Variants in AGTPBP1 observed in about 807,000 individuals in gnomAD.
The protein encoded by AGTPBP1 is ATP/GTP binding carboxypeptidase 1, also known as cytosolic carboxypeptidase 1.
AGTPBP1 carries 70 observed loss-of-function variants against 143.9 expected under a neutral mutation model. That is an observed-to-expected ratio of 0.49 (90% CI 0.40 to 0.59). The LOEUF is 0.59. AGTPBP1 is among the 20% of genes least tolerant of loss of function. The pLI is 0.00. For synonymous variants in AGTPBP1, 463 were observed against 500.2 expected (o/e 0.93, Z 0.99); for missense variants, 1,229 against 1,464.5 (o/e 0.84, Z 2.62).
intron 1 of AGTPBP1, among the ~76,000 whole-genome samples, chr9:85,715,755 A>C (rs1481280844): frequency 2.6e-5 from 4 of 152,180 alleles, no homozygotes; most frequent in Non-Finnish European, 5.9e-5. Context: ...TGTTGATTAC[A>C]ATATGGTGTA....
intron 2 of AGTPBP1, among the ~76,000 whole-genome samples, chr9:85,709,314 G>T (rs1446209084): frequency 2.0e-5 from 3 of 152,112 alleles, no homozygotes; most frequent in Non-Finnish European, 2.9e-5. Context: ...GAATATAAGA[G>T]AATTTTTTCA....
At chr9:85,609,084 A>G (rs1354818875) in intron 17 of AGTPBP1, among the ~76,000 whole-genome samples, 8 of 152,214 alleles carry the variant, frequency 5.3e-5, no homozygotes, top group African/African-American at 1.7e-4. Context: ...AAGTTAAGGT[A>G]TAAGTATAAT....
intron 17 of AGTPBP1, among the ~76,000 whole-genome samples, chr9:85,602,644 G>A (rs1228107988): frequency 4.6e-5 from 7 of 151,994 alleles, no homozygotes; most frequent in Non-Finnish European, 8.8e-5. Context: ...AGTGATCACC[G>A]CCCCCCACTC....
At chr9:85,743,975 T>C (rs1824554027), upstream of AGTPBP1, among the ~76,000 whole-genome samples, 1 of 149,636 alleles carries the variant, frequency 6.7e-6, no homozygotes, top group African/African-American at 2.5e-5. Flanking sequence ...GCCAAGGCTG[T>C]AATACAGTAG....
intron 8 of AGTPBP1, among the ~76,000 whole-genome samples, chr9:85,661,611 C>A (rs980789543): frequency 6.6e-6 from 1 of 151,940 alleles, no homozygotes; most frequent in African/African-American, 2.4e-5. Flanking sequence ...AAAGCAATCA[C>A]CCCCAAAACT....
chr9:85,730,675 C>T (rs555176241), intron 1 of AGTPBP1, among the ~76,000 whole-genome samples: 1 of 152,306 alleles, frequency 6.6e-6, no homozygotes, highest in South Asian at 2.1e-4. Flanking sequence ...TGCCCTTTGA[C>T]ATAGCCTTGA....
chr9:85,790,761 C>T, the AGTPBP1 span, among the ~76,000 whole-genome samples: 2 of 152,108 alleles, frequency 1.3e-5, no homozygotes, highest in African/African-American at 4.8e-5. Context: ...AATTGTAACA[C>T]ACAGCTCTAT....
At chr9:85,638,906 G>T (rs561539747) in intron 13 of AGTPBP1, among the ~76,000 whole-genome samples, 5 of 151,872 alleles carry the variant, frequency 3.3e-5, no homozygotes, top group African/African-American at 1.2e-4. Flanking sequence ...AATAGAATAA[G>T]AATAAAAATC....
intron 25 of AGTPBP1, among the ~76,000 whole-genome samples, chr9:85,548,779 AT>A (rs1825876449): frequency 6.6e-6 from 1 of 151,680 alleles, no homozygotes; most frequent in African/African-American, 2.4e-5. Context: ...GGTTCAAGCA[AT>A]TCTCCTGCCT....
intron 17 of AGTPBP1, among the ~76,000 whole-genome samples, chr9:85,598,091 A>G (rs892964139): frequency 1.3e-5 from 2 of 152,208 alleles, no homozygotes; most frequent in African/African-American, 4.8e-5. Flanking sequence ...ATTAATAAAC[A>G]TATTTTTAAA....
chr9:85,753,280 G>A, the AGTPBP1 span: 1 of 1,612,630 alleles, frequency 6.2e-7, no homozygotes. Context: ...AAAGCAATAA[G>A]GTGTTTTCAA....
chr9:85,620,653 T>C (rs888806342), intron 15 of AGTPBP1, among the ~76,000 whole-genome samples: 5 of 152,072 alleles, frequency 3.3e-5, no homozygotes, highest in African/African-American at 9.7e-5. Flanking sequence ...CAATCCTAAA[T>C]AGTAAATGAC....
intron 15 of AGTPBP1, among the ~76,000 whole-genome samples, chr9:85,620,181 T>C (rs1200973738): frequency 2.0e-5 from 3 of 151,774 alleles, no homozygotes; most frequent in African/African-American, 7.3e-5. Flanking sequence ...GAGGCCGAGG[T>C]GGTCAGATGA....
chr9:85,779,176 T>TATATAGATATAGATATAG, the AGTPBP1 span, among the ~76,000 whole-genome samples: 662 of 133,714 alleles, frequency 5.0e-3, 8 homozygotes, highest in Middle Eastern at 7.6e-3. Flanking sequence ...TAATAGGAGA[T>TATATAGATATAGATATAG]ATATAGATAT....
At chr9:85,672,981 C>CGGG (rs1345462037) in intron 6 of AGTPBP1, among the ~76,000 whole-genome samples, 13 of 151,984 alleles carry the variant, frequency 8.6e-5, no homozygotes, top group Non-Finnish European at 4.4e-5. Context: ...GTGATCTGCC[C>CGGG]GCCTTGGCCT....
chr9:85,801,239 G>C, the AGTPBP1 span, among the ~76,000 whole-genome samples: 2 of 152,118 alleles, frequency 1.3e-5, no homozygotes, highest in Non-Finnish European at 2.9e-5. Context: ...TTGAACCAGG[G>C]AGGCGGAAGT....
At chr9:85,658,643 T>C (rs1249074507) in intron 9 of AGTPBP1, among the ~76,000 whole-genome samples, 4 of 152,120 alleles carry the variant, frequency 2.6e-5, no homozygotes, top group African/African-American at 2.4e-5. Flanking sequence ...ACTAAGATAA[T>C]GCAGTAGTAA....
At chr9:85,785,790 G>C in the AGTPBP1 span, 3 of 181,184 alleles carry the variant, frequency 1.7e-5, no homozygotes, top group African/African-American at 7.1e-5. Context: ...AGAGAAGGCA[G>C]GCATGGAAAG....
the AGTPBP1 span, among the ~76,000 whole-genome samples, chr9:85,797,349 A>G: frequency 1.3e-5 from 2 of 152,014 alleles, no homozygotes. Flanking sequence ...AGCTCAAGCC[A>G]TCCTCCTGCC....
Sources: allele counts gnomAD v4.1 joint callset (sites outside exome capture counted in the v4.1 genomes callset), GRCh38; gene constraint gnomAD v4.1.1; transcripts MANE v1.5; gene names NCBI Gene and HGNC (gene_info 2026-07-23, HGNC 2026-07-21).